CNTN2: variants seen among roughly 807,000 people sequenced by gnomAD.
The protein encoded by CNTN2 is contactin-2.
A neutral mutation model predicts 117.5 loss-of-function variants in CNTN2; 53 were observed. The observed-to-expected ratio is 0.45, with a 90% CI of 0.36 to 0.57. The LOEUF is 0.57. Ranked by LOEUF, CNTN2 falls within the 20% of genes least tolerant of loss-of-function variation. CNTN2 has a pLI of 0.00. For synonymous variants in CNTN2, 530 were observed against 561.7 expected, an observed-to-expected ratio of 0.94 and a Z score of 0.80; for missense variants, 1,106 against 1,404.3, an observed-to-expected ratio of 0.79 and a Z score of 3.39.
Position 205,059,420 on chromosome 1 carries a change from C to T in CNTN2, c.697+127C>T, listed in dbSNP as rs2151190379. On this transcript the variant is annotated intron_variant, in intron 6 of 22. Transcript: ENST00000331830. This position sits in a 1 kb window ranked among gnomAD's most constrained non-coding sequence, Gnocchi z 5.6. ...GCACTGATTCCAGGCCCTGGACCCC[C>T]AGATCCTCCTGCTTCAAATCCTGAG... 2.6e-6 allele frequency: 3 copies of T among 1,162,824 alleles called. No homozygotes were observed. The highest frequency in any genetic ancestry group is 2.5e-5 in the East Asian group (1 of 40,658). 72.0% of individuals were successfully genotyped at this position (1,162,824 alleles called of 1,614,324 possible).
chr1:205,073,608 G>A lies in CNTN2; in HGVS notation c.3014-48G>A, dbSNP rs371881531. 6.4e-7 allele frequency: 1 copy of A among 1,553,088 alleles called. No homozygotes were observed. Among genetic ancestry groups the A allele is most frequent in the African/African-American group, 1.4e-5 (1 of 73,704 alleles). ...GGTCTCAATCTTGCCACAAGGGTGG[G>A]GCTAGGGTAGTCCCAGGCCCAGCTG... On this transcript the variant is annotated intron_variant, in intron 22 of 22. Coordinates refer to ENST00000331830, the MANE Select transcript of CNTN2 (RefSeq NM_005076.5). The surrounding 1 kb of genome is among the most constrained non-coding windows in gnomAD (Gnocchi z 6.3).
In CNTN2 at chr1:205,058,359, G is replaced by A. The variant is rs775142898; in HGVS notation, c.391+3G>A. 1.3e-6 allele frequency: 2 copies of A among 1,526,864 alleles called. No homozygotes were observed. The highest frequency in any genetic ancestry group is 1.8e-6 in the Non-Finnish European group (2 of 1,135,744). The allele number at this position is 1,526,864 out of a possible 1,614,324, so 94.6% of individuals were successfully genotyped here. On this transcript the variant is annotated splice_donor_region_variant and intron_variant, in intron 4 of 22. Transcript: ENST00000331830. This position sits in a 1 kb window ranked among gnomAD's most constrained non-coding sequence, Gnocchi z 4.3. ...GGAGGCCATCCTCCGCTTCGGCTGT[G>A]AGACCCGCGGGGGACCAAGACACTT...
chr1:205,064,692 C>G lies in CNTN2; in HGVS notation c.1461C>G (p.Thr487=). 4.3e-6 allele frequency: 7 copies of G among 1,614,202 alleles called. No individual in the cohort carries two copies. The highest frequency in any genetic ancestry group is 5.9e-6 in the Non-Finnish European group (7 of 1,180,034). ...GCCGGTCAGATGAAGGCAAATACAC[C>G]TGCTTTGCTGAGAACTTCATGGGCA... The part of the protein sequence containing the change: ...NISRSDEGKY[T]CFAENFMGKA... The change falls in exon 12 of 23, where the codon ACC becomes ACG. Residue 487 remains threonine (T), a synonymous_variant. Coordinates refer to ENST00000331830, the MANE Select transcript of CNTN2 (RefSeq NM_005076.5).
rs919052051 is a variant in CNTN2, at chr1:205,077,659, G to A, written c.*3894G>A. On this transcript the variant is annotated 3_prime_UTR_variant, in exon 23 of 23. Transcript: ENST00000331830. ...ATGGTCATAGGCTTTGGGAAGACAG[G>A]ACGTAAAGGAAAATGAGAGAAACAA... 3.9e-5 allele frequency: 6 copies of A among 152,310 alleles called. No homozygotes were observed. The highest frequency in any genetic ancestry group is 1.4e-4 in the African/African-American group (6 of 41,464). 9.4% of individuals were successfully genotyped at this position (152,310 alleles called of 1,614,324 possible).
chr1:205,059,571 C>T lies in CNTN2; in HGVS notation c.698-12C>T. ...TCATCTGCATCTGATTTGTAAAACCCTCTCTCCCCAGATACCCGGCTCTTT... is the reference window on the plus strand; with the variant it reads ...TCATCTGCATCTGATTTGTAAAACCTTCTCTCCCCAGATACCCGGCTCTTT... On this transcript the variant is annotated splice_polypyrimidine_tract_variant and intron_variant, in intron 6 of 22. Coordinates refer to ENST00000331830, the MANE Select transcript of CNTN2 (RefSeq NM_005076.5). This position sits in a 1 kb window ranked among gnomAD's most constrained non-coding sequence, Gnocchi z 5.6. The T allele has an allele frequency of 6.2e-7, 1 of 1,613,508 alleles. No homozygotes were observed. The highest frequency in any genetic ancestry group is 1.1e-5 in the South Asian group (1 of 91,062).
Position 205,073,032 on chromosome 1 carries a change from G to A in CNTN2, c.2845-36G>A, listed in dbSNP as rs1654673539. 6.2e-7 allele frequency: 1 copy of A among 1,611,290 alleles called. No homozygotes were observed. The highest frequency in any genetic ancestry group is 8.5e-7 in the Non-Finnish European group (1 of 1,178,604). On this transcript the variant is annotated intron_variant, in intron 21 of 22. Transcript: ENST00000331830. The surrounding 1 kb of genome is among the most constrained non-coding windows in gnomAD (Gnocchi z 6.3). ...GGATGACTCAACGATCAGCCCTGGT[G>A]TCAGGAAACTCCACCTGGAAACCTC...
At chr1:205,070,636 C>T in intron 19 of CNTN2, 98 bp downstream of exon 19, 1 of 824,650 alleles carries the variant, frequency 1.2e-6, no homozygotes, top group Non-Finnish European at 2.0e-6. Flanking sequence ...TCCTGGCGTC[C>T]CTGGTTCGCT....
In CNTN2 at chr1:205,074,793, T is replaced by C; in HGVS notation, c.*1028T>C. On this transcript the variant is annotated 3_prime_UTR_variant, in exon 23 of 23. Coordinates refer to ENST00000331830, the MANE Select transcript of CNTN2 (RefSeq NM_005076.5). Reference sequence around the variant, plus strand: ...AGGGGAATGCAGCATTCATGCTGTGTGTCCTGGTATTGGGAGGTTTCTGGG... The same window carrying C: ...AGGGGAATGCAGCATTCATGCTGTGCGTCCTGGTATTGGGAGGTTTCTGGG... The C allele has an allele frequency of 2.5e-6, 1 of 398,760 alleles. No homozygotes were observed. Among genetic ancestry groups the C allele is most frequent in the East Asian group, 3.6e-5 (1 of 28,072 alleles). The allele number at this position is 398,760 out of a possible 1,614,324, so 24.7% of individuals were successfully genotyped here.
At position 205,059,586 on chromosome 1, in the gene CNTN2, C is replaced by A; in HGVS notation, c.701C>A (p.Thr234Asn). 1 of 1,614,100 alleles carries A rather than the reference C, an allele frequency of 6.2e-7. No individual in the cohort carries two copies. The highest frequency in any genetic ancestry group is 8.5e-7 in the Non-Finnish European group (1 of 1,179,972). ...FAQLNLAAEDTRLFAPSIKAR... is the reference protein window; with the variant it reads ...FAQLNLAAEDNRLFAPSIKAR... Reference sequence around the variant, plus strand: ...TTGTAAAACCCTCTCTCCCCAGATACCCGGCTCTTTGCACCCAGCATCAAG... The same window carrying A: ...TTGTAAAACCCTCTCTCCCCAGATAACCGGCTCTTTGCACCCAGCATCAAG... The change falls in exon 7 of 23, where the codon ACC becomes AAC. Residue 234 changes from threonine (T) to asparagine (N), a missense_variant. By Grantham distance (65) the Thr-to-Asn change is moderately conservative. Transcript: ENST00000331830. This position sits in a 1 kb window ranked among gnomAD's most constrained non-coding sequence, Gnocchi z 5.6.
At position 205,048,573 on chromosome 1, in the gene CNTN2, G is replaced by C. The variant is rs1474161039; in HGVS notation, c.-86-4527G>C. On this transcript the variant is annotated intron_variant, in intron 1 of 22. Coordinates refer to ENST00000331830, the MANE Select transcript of CNTN2 (RefSeq NM_005076.5). The surrounding 1 kb of genome is among the most constrained non-coding windows in gnomAD (Gnocchi z 4.1). ...CCTGGGCGAGGCTTGGCTGGCTCAGGGTTCGCAGGGCCAGCTCTGGGCCTG... is the reference window on the plus strand; with the variant it reads ...CCTGGGCGAGGCTTGGCTGGCTCAGCGTTCGCAGGGCCAGCTCTGGGCCTG... 6.6e-6 allele frequency among the ~76,000 whole-genome samples: 1 copy of C among 152,120 alleles called. No homozygotes were observed. Among genetic ancestry groups the C allele is most frequent in the Non-Finnish European group, 1.5e-5 (1 of 68,014 alleles).
chr1:205,055,618 G>C (rs1440768366), intron 2 of CNTN2, among the ~76,000 whole-genome samples: 2 of 152,180 alleles, frequency 1.3e-5, no homozygotes, highest in African/African-American at 4.8e-5. Context: ...CTGTGAGATG[G>C]AGCAGGGCCT....
Position 205,059,766 on chromosome 1 carries a change from C to A in CNTN2, c.797+84C>A. The A allele has an allele frequency of 8.7e-7, 1 of 1,150,694 alleles. No homozygotes were observed. The highest frequency in any genetic ancestry group is 1.3e-6 in the Non-Finnish European group (1 of 765,034). The allele number at this position is 1,150,694 out of a possible 1,614,324, so 71.3% of individuals were successfully genotyped here. On this transcript the variant is annotated intron_variant, in intron 7 of 22. Coordinates refer to ENST00000331830, the MANE Select transcript of CNTN2 (RefSeq NM_005076.5). The surrounding 1 kb of genome is among the most constrained non-coding windows in gnomAD (Gnocchi z 5.6). ...AGGGTGAGGGCAGGCAGAGTCAGGG[C>A]TCTTATCTTGGTGTCCCTCACAGGG...
chr1:205,065,103 T>C lies in CNTN2; in HGVS notation c.1536T>C (p.Thr512=), dbSNP rs1654206722. Residue 512 remains threonine (T), a synonymous_variant, in exon 13 of 23, where the codon ACT becomes ACC. Transcript: ENST00000331830. The surrounding 1 kb of genome is among the most constrained non-coding windows in gnomAD (Gnocchi z 4.1). ...ILSVRDATKI[T]LAPSSADINL... is the part of the protein sequence containing the mutation. Reference sequence around the variant, plus strand: ...TCTTGGCAGATGCAACCAAAATCACTCTAGCCCCCTCAAGTGCCGACATCA... The same window carrying C: ...TCTTGGCAGATGCAACCAAAATCACCCTAGCCCCCTCAAGTGCCGACATCA... 6.2e-7 allele frequency: 1 copy of C among 1,613,776 alleles called. No individual in the cohort carries two copies. The highest frequency in any genetic ancestry group is 1.3e-5 in the African/African-American group (1 of 74,836).
chr1:205,043,541 T>G (rs2096435710), intron 1 of CNTN2, 147 bp downstream of exon 1: 1 of 152,290 alleles, frequency 6.6e-6, no homozygotes, highest in South Asian at 2.1e-4. Flanking sequence ...CTGGGGCCGT[T>G]CTGACTTCTC....
Position 205,058,165 on chromosome 1 carries a change from C to G in CNTN2, c.216-16C>G. On this transcript the variant is annotated splice_polypyrimidine_tract_variant and intron_variant, in intron 3 of 22. Transcript: ENST00000331830. This position sits in a 1 kb window ranked among gnomAD's most constrained non-coding sequence, Gnocchi z 4.3. ...GGCAGGACTCAGAGGTCCCCTTCCT[C>G]TGTCCCCTGCTGCAGGTGGAAGATG... 1 of 1,588,744 alleles carries G rather than the reference C, an allele frequency of 6.3e-7. No homozygotes were observed. The highest frequency in any genetic ancestry group is 8.6e-7 in the Non-Finnish European group (1 of 1,167,732).
Position 205,071,998 on chromosome 1 carries a change from A to G in CNTN2, c.2596A>G (p.Thr866Ala), listed in dbSNP as rs755601451. The G allele has an allele frequency of 1.7e-5, 28 of 1,614,054 alleles. No individual in the cohort carries two copies. Among genetic ancestry groups the G allele is most frequent in the Non-Finnish European group, 2.3e-5 (27 of 1,180,000 alleles). The change falls in exon 20 of 23, where the codon ACA becomes GCA. Residue 866 changes from threonine (T) to alanine (A), a missense_variant. Physicochemically the swap from Thr to Ala is moderately conservative, Grantham distance 58. Transcript: ENST00000331830. ...DKEAAADRVR[T>A]AGLDTSARVS... The stretch of plus-strand genomic sequence containing the variant: ...AGAAGCAGCTGCGGACCGAGTGAGG[A>G]CAGCAGGGCTGGACACCAGTGCCCG...
In CNTN2 at chr1:205,075,677, C is replaced by T. The variant is rs1654822055; in HGVS notation, c.*1912C>T. ...ATGCCTTTTCCCTGCCACAGCCAAA[C>T]CCCCACTGCACCCTACCCACCCACC... is the stretch of plus-strand genomic sequence containing the variant. On this transcript the variant is annotated 3_prime_UTR_variant, in exon 23 of 23. Coordinates refer to ENST00000331830, the MANE Select transcript of CNTN2 (RefSeq NM_005076.5). The T allele has an allele frequency of 1.3e-5, 2 of 152,306 alleles. No individual in the cohort carries two copies. Among genetic ancestry groups the T allele is most frequent in the Admixed American group, 1.3e-4 (2 of 15,268 alleles). 9.4% of individuals were successfully genotyped at this position (152,306 alleles called of 1,614,324 possible).
rs1653745328 is a variant in CNTN2 at position 205,058,048 on chromosome 1, C to T, written c.198C>T (p.Ser66=). ...QVLLACRARA[S]PPATYRWKMN... Reference sequence around the variant, plus strand: ...TGCTGGCATGCCGCGCCCGGGCCAGCCCTCCAGCCACCTATCGGTAAGGCC... The same window carrying T: ...TGCTGGCATGCCGCGCCCGGGCCAGTCCTCCAGCCACCTATCGGTAAGGCC... Residue 66 remains serine, a synonymous_variant, in exon 3 of 23, where the codon AGC becomes AGT. Transcript: ENST00000331830. This position sits in a 1 kb window ranked among gnomAD's most constrained non-coding sequence, Gnocchi z 4.3. 1.2e-6 allele frequency: 2 copies of T among 1,613,340 alleles called. No individual in the cohort carries two copies. Among genetic ancestry groups the T allele is most frequent in the African/African-American group, 2.7e-5 (2 of 74,914 alleles).
At position 205,057,741 on chromosome 1, in the gene CNTN2, C is replaced by T. The variant is rs550997494; in HGVS notation, c.71-180C>T. The T allele has an allele frequency of 2.8e-4, 155 of 562,584 alleles. 1 individual carries two copies. Among genetic ancestry groups the T allele is most frequent in the African/African-American group, 2.7e-3 (142 of 52,726 alleles). 34.8% of individuals were successfully genotyped at this position (562,584 alleles called of 1,614,324 possible). Reference sequence around the variant, plus strand: ...AAAATGTAAAATGTCGTTCTTCAGTCGCAATAGCCACATGTCAAGTGCTCG... The same window carrying T: ...AAAATGTAAAATGTCGTTCTTCAGTTGCAATAGCCACATGTCAAGTGCTCG... On this transcript the variant is annotated intron_variant, in intron 2 of 22. Transcript: ENST00000331830.
Sources: allele counts gnomAD v4.1 joint callset (sites outside exome capture counted in the v4.1 genomes callset), GRCh38; gene constraint gnomAD v4.1.1; non-coding constraint Gnocchi (gnomAD v3.1); transcripts MANE v1.5; gene names NCBI Gene and HGNC (gene_info 2026-07-23, HGNC 2026-07-21).